The following GHR variants were observed in gnomAD, a reference collection of about 807,000 sequenced individuals.
GHR encodes the protein GH receptor.
In GHR, 35 loss-of-function variants were observed where a neutral mutation model predicts 67.1. The observed-to-expected ratio is 0.52, with a 90% CI of 0.40 to 0.69. GHR has a LOEUF of 0.69. Ranked by LOEUF, GHR falls within the 30% of genes least tolerant of loss-of-function variation. GHR has a pLI of 0.00. For missense variants in GHR, 792 were observed against 764.6 expected, an observed-to-expected ratio of 1.04 and a Z score of -0.42; for synonymous variants, 272 against 269.1, an observed-to-expected ratio of 1.01 and a Z score of -0.10.
At chr5:42,427,282 T>G (rs1418271444) in intron 1 of GHR, among the ~76,000 whole-genome samples, 1 of 152,224 alleles carries the variant, frequency 6.6e-6, no homozygotes, top group Non-Finnish European at 1.5e-5. Context: ...GGATTCACAG[T>G]TCCACATGGC....
At chr5:42,508,723 G>A (rs866940373) in intron 1 of GHR, among the ~76,000 whole-genome samples, 71 of 152,064 alleles carry the variant, frequency 4.7e-4, no homozygotes, top group Middle Eastern at 3.2e-3. Context: ...ACAAGCGCCC[G>A]CCACCACGCC....
At chr5:42,501,372 T>C (rs1334787273) in intron 1 of GHR, among the ~76,000 whole-genome samples, 2 of 151,934 alleles carry the variant, frequency 1.3e-5, no homozygotes, top group Non-Finnish European at 2.9e-5. Flanking sequence ...TTTTTTTTTA[T>C]CATTACATCA....
chr5:42,531,156 T>G lies in GHR; in HGVS notation c.-11-34708T>G, dbSNP rs144950402. Among the ~76,000 whole-genome samples, 565 of 152,066 alleles carry G rather than the reference T, an allele frequency of 3.7e-3. 2 individuals are homozygous for G. The highest frequency in any genetic ancestry group is 0.013 in the African/African-American group (528 of 41,484). On this transcript the variant is annotated intron_variant, in intron 1 of 9. Transcript: ENST00000230882. Reference sequence around the variant, plus strand: ...GGTGGTGTGCGCCTGTAATCCCAGCTACTCAGAGGATGAGGCAGGAGAATT... The same window carrying G: ...GGTGGTGTGCGCCTGTAATCCCAGCGACTCAGAGGATGAGGCAGGAGAATT...
chr5:42,653,848 G>T (rs1755124907), intron 3 of GHR, among the ~76,000 whole-genome samples: 1 of 152,118 alleles, frequency 6.6e-6, no homozygotes, highest in South Asian at 2.1e-4. Flanking sequence ...CGAACTCTGT[G>T]TTCTAGTCCA....
chr5:42,462,328 T>C (rs2112049482), intron 1 of GHR, among the ~76,000 whole-genome samples: 1 of 152,312 alleles, frequency 6.6e-6, no homozygotes, highest in South Asian at 2.1e-4. Flanking sequence ...TTTTTCAGCA[T>C]GGCCATAGGA....
In GHR at chr5:42,655,601, A is replaced by G. The variant is rs1025206125; in HGVS notation, c.136+26498A>G. On this transcript the variant is annotated intron_variant, in intron 3 of 9. Coordinates refer to ENST00000230882, the MANE Select transcript of GHR (RefSeq NM_000163.5). Reference sequence around the variant, plus strand: ...AAAGTAATTTTTGAACACATGATACATATGTTTACATATTTGTAAGTTATA... The same window carrying G: ...AAAGTAATTTTTGAACACATGATACGTATGTTTACATATTTGTAAGTTATA... 6.6e-5 allele frequency among the ~76,000 whole-genome samples: 10 copies of G among 152,284 alleles called. No homozygotes were observed. In the South Asian group the frequency reaches 1.9e-3, roughly 28 times the overall value.
At chr5:42,715,210 A>AT (rs533236390) in intron 8 of GHR, 1 of 258,398 alleles carries the variant, frequency 3.9e-6, no homozygotes, top group African/African-American at 2.3e-5. Context: ...AATTAACTTT[A>AT]TTTTTTATTT....
Position 42,688,934 on chromosome 5 carries a change from C to T in GHR, c.181C>T (p.Arg61Ter), listed in dbSNP as rs121909358. The change falls in exon 4 of 10, where the codon CGA (arginine) becomes TGA (stop). Residue 61 changes from arginine (R) to a stop codon, truncating the protein, a stop_gained. Transcript: ENST00000230882. LOFTEE classifies it high-confidence loss of function. ...ATTCACCAAGTGCCGTTCACCTGAG[C>T]GAGAGACTTTTTCATGCCACTGGAC... Reference protein sequence around the residue: ...PKFTKCRSPERETFSCHWTDE... With the variant: ...PKFTKCRSPE 20 of 1,613,116 alleles carry T rather than the reference C, an allele frequency of 1.2e-5. No individual in the cohort carries two copies. The highest frequency in any genetic ancestry group is 1.4e-5 in the Non-Finnish European group (17 of 1,179,114).
At chr5:42,461,671 T>A (rs2112045799) in intron 1 of GHR, among the ~76,000 whole-genome samples, 1 of 152,364 alleles carries the variant, frequency 6.6e-6, no homozygotes, top group East Asian at 1.9e-4. Context: ...AATGTTTATC[T>A]TCCTCCCAAT....
chr5:42,721,319 A>G lies in GHR; in HGVS notation c.*1895A>G, dbSNP rs562532155. 1 of 152,354 alleles carries G rather than the reference A, an allele frequency of 6.6e-6. No homozygotes were observed. Among genetic ancestry groups the G allele is most frequent in the East Asian group, 1.9e-4 (1 of 5,190 alleles). The allele number at this position is 152,354 out of a possible 1,614,324, so 9.4% of individuals were successfully genotyped here. On this transcript the variant is annotated 3_prime_UTR_variant, in exon 10 of 10. Transcript: ENST00000230882. ...GTGAAGAATACTTCTCATTTTTTAA[A>G]AAAGCTTAAAACTTTGAAGTTAGCT...
intron 2 of GHR, among the ~76,000 whole-genome samples, chr5:42,617,385 TACACACACACACACACACACACACAC>T (rs10581858): frequency 2.0e-5 from 3 of 149,160 alleles, no homozygotes. Context: ...AAGTTCATTT[TACACACACACACACACACACACACAC>T]ACACACACAC....
At chr5:42,528,522 G>A (rs960363755) in intron 1 of GHR, among the ~76,000 whole-genome samples, 6 of 152,156 alleles carry the variant, frequency 3.9e-5, no homozygotes, top group Admixed American at 2.0e-4. Context: ...ACTTCTTATG[G>A]ATGAACAAAA....
intron 1 of GHR, among the ~76,000 whole-genome samples, chr5:42,478,513 T>A (rs927073444): frequency 6.6e-6 from 1 of 152,214 alleles, no homozygotes; most frequent in Non-Finnish European, 1.5e-5. Context: ...TTCCTACCCA[T>A]GAGCATGGAA....
At chr5:42,539,138 C>T (rs182277612) in intron 1 of GHR, among the ~76,000 whole-genome samples, 118 of 152,194 alleles carry the variant, frequency 7.8e-4, no homozygotes, top group African/African-American at 2.6e-3. Flanking sequence ...TCTCTAGTGC[C>T]TCCCTGATTA....
chr5:42,651,057 GA>G lies in GHR; in HGVS notation c.136+21961del, dbSNP rs1417237699. Among the ~76,000 whole-genome samples the G allele has an allele frequency of 3.3e-5, 5 of 152,166 alleles. No homozygotes were observed. The South Asian group carries it at 6.2e-4, about 19-fold the overall frequency. ...GGATTTGCCTGATGTCTTCATCCTA[GA>G]AAAAAAGATTTCTGCTTGGGCATTA... On this transcript the variant is annotated intron_variant, in intron 3 of 9. Transcript: ENST00000230882.
intron 1 of GHR, among the ~76,000 whole-genome samples, chr5:42,501,490 A>C (rs887948050): frequency 6.6e-6 from 1 of 152,114 alleles, no homozygotes; most frequent in Non-Finnish European, 1.5e-5. Flanking sequence ...TGGCCCAGCT[A>C]CCTCCAATCT....
chr5:42,654,783 A>G (rs1247390474), intron 3 of GHR, among the ~76,000 whole-genome samples: 5 of 152,150 alleles, frequency 3.3e-5, no homozygotes, highest in Non-Finnish European at 7.4e-5. Context: ...CAGACTCCCA[A>G]GACCACATTT....
chr5:42,667,530 T>C (rs955204583), intron 3 of GHR, among the ~76,000 whole-genome samples: 6 of 152,136 alleles, frequency 3.9e-5, no homozygotes, highest in African/African-American at 1.2e-4. Context: ...AAAATACCAA[T>C]GCCCAGGCAT....
At chr5:42,522,196 G>A (rs1747506545) in intron 1 of GHR, among the ~76,000 whole-genome samples, 1 of 152,100 alleles carries the variant, frequency 6.6e-6, no homozygotes, top group Non-Finnish European at 1.5e-5. Flanking sequence ...TGTTGATTGA[G>A]CCACTTTGCG....
Sources: allele counts gnomAD v4.1 joint callset (sites outside exome capture counted in the v4.1 genomes callset), GRCh38; gene constraint gnomAD v4.1.1; transcripts MANE v1.5; gene names NCBI Gene and HGNC (gene_info 2026-07-23, HGNC 2026-07-21).